CLK1: variants seen among roughly 807,000 people sequenced by gnomAD.
CLK1 encodes the protein dual specificity protein kinase CLK1.
In CLK1, 40 loss-of-function variants were observed where a neutral mutation model predicts 60.9. The observed-to-expected ratio is 0.66, with a 90% CI of 0.51 to 0.86. The LOEUF is 0.86. CLK1 is among the 40% of genes least tolerant of loss of function. The probability of loss-of-function intolerance (pLI) is 0.00; values close to 1 mark genes in which losing one functional copy is unlikely to be tolerated. For missense variants in CLK1, 563 were observed against 606.1 expected, an observed-to-expected ratio of 0.93 and a Z score of 0.75; for synonymous variants, 203 against 184.4, an observed-to-expected ratio of 1.10 and a Z score of -0.82.
chr2:200,859,893 ATAAT>A (rs1370044528), intron 4 of CLK1, 147 bp from the exon 5 acceptor site: 10 of 1,443,344 alleles, frequency 6.9e-6, no homozygotes, highest in Admixed American at 2.9e-5. Context: ...ATCAAAAAAC[ATAAT>A]TATTAGGTCT....
chr2:200,856,555 C>T (rs2039047550), intron 9 of CLK1, 127 bp downstream of exon 9: 1 of 680,200 alleles, frequency 1.5e-6, no homozygotes, highest in African/African-American at 1.8e-5. Flanking sequence ...ATCCATAATG[C>T]ACTTCATGAT....
At position 200,853,093 on chromosome 2, in the gene CLK1, A is replaced by G; in HGVS notation, c.*213T>C. Reference sequence around the variant, plus strand: ...GATACATATCAACTTCATAAGCACAAAAAATTTATTCTGAATAAATCACTT... The same window carrying G: ...GATACATATCAACTTCATAAGCACAGAAAATTTATTCTGAATAAATCACTT... On this transcript the variant is annotated 3_prime_UTR_variant, in exon 13 of 13. Transcript: ENST00000321356. The G allele has an allele frequency of 2.5e-6, 1 of 396,154 alleles. No individual in the cohort carries two copies. The highest frequency in any genetic ancestry group is 4.4e-6 in the Non-Finnish European group (1 of 224,864). 24.5% of individuals were successfully genotyped at this position (396,154 alleles called of 1,614,324 possible).
rs2039068124 is a variant in CLK1 at position 200,857,809 on chromosome 2, A to G, written c.741T>C (p.Ser247=). Residue 247 remains serine, a synonymous_variant, in exon 7 of 13, where the codon AGT becomes AGC. Coordinates refer to ENST00000321356, the MANE Select transcript of CLK1 (RefSeq NM_004071.4). ...CATTTTCTTTAATGAAGTCGTAAGT[A>G]CTAAGTCCCAATAGTTCAAAAACAA... ...ICIVFELLGL[S]TYDFIKENGF... 1 of 1,613,784 alleles carries G rather than the reference A, an allele frequency of 6.2e-7. No individual in the cohort carries two copies. Among genetic ancestry groups the G allele is most frequent in the African/African-American group, 1.3e-5 (1 of 74,944 alleles).
intron 1 of CLK1, chr2:200,864,091 C>T: frequency 6.5e-7 from 1 of 1,547,500 alleles, no homozygotes; most frequent in Non-Finnish European, 8.7e-7. Context: ...CCGTCTCTTT[C>T]TCCACTTACT....
At chr2:200,859,599 T>C (rs991221744) in intron 5 of CLK1, 81 bp downstream of exon 5, 6 of 1,117,252 alleles carry the variant, frequency 5.4e-6, no homozygotes, top group Admixed American at 4.0e-5. Flanking sequence ...ATCTAACTCA[T>C]GGTCAGACCA....
chr2:200,860,786 C>A, intron 3 of CLK1: 8 of 1,018,442 alleles, frequency 7.9e-6, no homozygotes, highest in Non-Finnish European at 9.4e-6. Context: ...CAGTTCAAAT[C>A]TGTTCTGGTT....
chr2:200,859,832 T>C, intron 4 of CLK1, 86 bp from the exon 5 acceptor site: 2 of 1,554,444 alleles, frequency 1.3e-6, no homozygotes, highest in Non-Finnish European at 1.7e-6. Context: ...TAGATTATTC[T>C]AGTTGATGCT....
At chr2:200,860,814 G>A (rs993617106) in intron 3 of CLK1, 5 of 1,033,810 alleles carry the variant, frequency 4.8e-6, no homozygotes, top group Non-Finnish European at 4.7e-6. Flanking sequence ...TGAAAGAAGG[G>A]TTAGAAAACA....
intron 1 of CLK1, among the ~76,000 whole-genome samples, 179 bp from the exon 2 acceptor site, chr2:200,862,041 G>C (rs1043191912): frequency 1.3e-5 from 2 of 150,662 alleles, no homozygotes; most frequent in South Asian, 4.2e-4. Context: ...TCTGCAGTTT[G>C]AACTTCATTC....
chr2:200,854,405 G>A (rs577551976), intron 11 of CLK1, among the ~76,000 whole-genome samples: 2 of 151,736 alleles, frequency 1.3e-5, no homozygotes, highest in East Asian at 1.9e-4. Flanking sequence ...GCGTGGTGGC[G>A]AGTGCCTGTA....
chr2:200,853,211 A>T lies in CLK1; in HGVS notation c.*95T>A. ...ATAAACATGGCAATATAAAAATGTT[A>T]AGAATTTACAAAGCTGTACAAAATA... On this transcript the variant is annotated 3_prime_UTR_variant, in exon 13 of 13. Coordinates refer to ENST00000321356, the MANE Select transcript of CLK1 (RefSeq NM_004071.4). 1.1e-6 allele frequency: 1 copy of T among 933,822 alleles called. No individual in the cohort carries two copies. Among genetic ancestry groups the T allele is most frequent in the African/African-American group, 1.7e-5 (1 of 59,212 alleles). The allele number at this position is 933,822 out of a possible 1,614,324, so 57.8% of individuals were successfully genotyped here. A position where few individuals can be genotyped will look rare whatever the true frequency, so the allele number is the denominator to read the frequency against.
intron 5 of CLK1, 58 bp from the exon 6 acceptor site, chr2:200,858,147 AT>A: frequency 9.0e-7 from 1 of 1,111,570 alleles, no homozygotes; most frequent in Non-Finnish European, 1.4e-6. Flanking sequence ...AATTCCAGGT[AT>A]TACTGTCTTC....
In CLK1 at chr2:200,864,163, CCCT is replaced by C. The variant is rs1308751814; in HGVS notation, c.-1+398_-1+400del. The C allele has an allele frequency of 4.5e-6, 7 of 1,551,164 alleles. No homozygotes were observed. In the African/African-American group the frequency reaches 8.2e-5, roughly 18 times the overall value. ...ACATTCTGGAACCCCAGCAAATCCC[CCCT>C]CAACGGGGAGCCTCGCCTTTCCGGC... On this transcript the variant is annotated intron_variant, in intron 1 of 12. Transcript: ENST00000321356.
Position 200,856,740 on chromosome 2 carries a change from GTCA to G in CLK1, c.996_998del (p.Asp333del). 1 of 1,612,922 alleles carries G rather than the reference GTCA, an allele frequency of 6.2e-7. No homozygotes were observed. The highest frequency in any genetic ancestry group is 8.5e-7 in the Non-Finnish European group (1 of 1,179,456). ...TAGATACCAATGTACTGTGATGTTC[GTCA>G]TCATATGTTGCACTACCAAAGTCTA... is the stretch of plus-strand genomic sequence containing the variant. On this transcript the variant is annotated inframe_deletion, in exon 9 of 13. Transcript: ENST00000321356.
intron 2 of CLK1, 61 bp downstream of exon 2, chr2:200,861,641 T>C (rs2039140368): frequency 6.3e-7 from 1 of 1,580,474 alleles, no homozygotes; most frequent in Non-Finnish European, 8.6e-7. Flanking sequence ...TTATTTTAAG[T>C]GATACTAGTT....
Position 200,857,882 on chromosome 2 carries a change from C to A in CLK1, c.668G>T (p.Arg223Leu), listed in dbSNP as rs568116164. ...LNTTDPNSTF[R>L]CVQMLEWFEH... ...AAACCATTCCAACATCTGGACACAG[C>A]GGCTACAAACACATGAAAAATAGCT... Residue 223 changes from arginine (R) to leucine (L), a missense_variant and splice_region_variant, in exon 7 of 13, where the codon CGC (arginine) becomes CTC (leucine). Physicochemically the swap from Arg to Leu is moderately radical, Grantham distance 102. This residue lies in a region of CLK1 where 360 missense variants were observed against 407.0 expected (regional missense o/e 0.88). Coordinates refer to ENST00000321356, the MANE Select transcript of CLK1 (RefSeq NM_004071.4). 8.7e-6 allele frequency: 14 copies of A among 1,611,654 alleles called. No homozygotes were observed. In the South Asian group the frequency reaches 1.5e-4, roughly 18 times the overall value.
chr2:200,858,271 A>C, intron 5 of CLK1, 182 bp from the exon 6 acceptor site: 3 of 592,682 alleles, frequency 5.1e-6, no homozygotes, highest in Non-Finnish European at 6.0e-6. Flanking sequence ...ACCACCACTC[A>C]CATGAGTTAT....
intron 11 of CLK1, 199 bp from the exon 12 acceptor site, chr2:200,854,192 A>G (rs964486246): frequency 2.5e-5 from 12 of 480,180 alleles, no homozygotes; most frequent in South Asian, 8.2e-5. Context: ...CATTATTTAT[A>G]AAGTCCTAAT....
At chr2:200,854,037 C>T (rs760871504) in intron 11 of CLK1, 44 bp from the exon 12 acceptor site, 3 of 1,314,882 alleles carry the variant, frequency 2.3e-6, no homozygotes, top group Middle Eastern at 1.8e-4. Flanking sequence ...ACACTGAAAA[C>T]TTAAAACAGC....
Sources: allele counts gnomAD v4.1 joint callset (sites outside exome capture counted in the v4.1 genomes callset), GRCh38; gene constraint gnomAD v4.1.1; regional missense constraint gnomAD v4.1.1; transcripts MANE v1.5; gene names NCBI Gene and HGNC (gene_info 2026-07-23, HGNC 2026-07-21).